AOAH: variants seen among roughly 807,000 people sequenced by gnomAD.
AOAH encodes the protein acyloxyacyl hydrolase (neutrophil).
AOAH carries 64 observed loss-of-function variants against 92.2 expected under a neutral mutation model. The observed-to-expected ratio is 0.69, with a 90% confidence interval of 0.57 to 0.86. The LOEUF is 0.86. Ranked by LOEUF, AOAH falls within the 40% of genes least tolerant of loss-of-function variation. The pLI is 0.00. For missense variants in AOAH, 656 were observed against 694.6 expected, an observed-to-expected ratio of 0.94 and a Z score of 0.62; for synonymous variants, 263 against 254.5, an observed-to-expected ratio of 1.03 and a Z score of -0.32.
In AOAH at chr7:36,618,146, A is replaced by G; in HGVS notation, c.751+151T>C. The stretch of plus-strand genomic sequence containing the variant: ...CCTTTTAGATACTTTATTTTTTCTG[A>G]TCTGTCATGAAAATAAATGTAAGTT... On this transcript the variant is annotated intron_variant, in intron 10 of 20. Coordinates refer to ENST00000617537, the MANE Select transcript of AOAH (RefSeq NM_001637.4). 6.9e-6 allele frequency: 4 copies of G among 575,654 alleles called. No homozygotes were observed. The South Asian group carries it at 1.2e-4, about 17-fold the overall frequency. The allele number at this position is 575,654 out of a possible 1,614,324, so 35.7% of individuals were successfully genotyped here. A position where few individuals can be genotyped will look rare whatever the true frequency, so the allele number is the denominator to read the frequency against.
chr7:36,522,276 G>A (rs1384664464), intron 19 of AOAH, among the ~76,000 whole-genome samples, 161 bp from the exon 20 acceptor site: 1 of 152,254 alleles, frequency 6.6e-6, no homozygotes, highest in African/African-American at 2.4e-5. Context: ...TTTCTGAACA[G>A]AAATGATCTT....
intron 12 of AOAH, among the ~76,000 whole-genome samples, chr7:36,579,173 A>T: frequency 6.6e-6 from 1 of 152,106 alleles, no homozygotes; most frequent in East Asian, 1.9e-4. Flanking sequence ...TGCTTAAAAA[A>T]AAAATGGCCC....
chr7:36,659,313 T>G, intron 3 of AOAH, 48 bp from the exon 4 acceptor site: 1 of 1,455,614 alleles, frequency 6.9e-7, no homozygotes, highest in African/African-American at 1.4e-5. Context: ...CTCTTAGGCA[T>G]TAGGAAACAG....
chr7:36,549,552 C>A, intron 13 of AOAH, 77 bp from the exon 14 acceptor site: 4 of 996,238 alleles, frequency 4.0e-6, no homozygotes, highest in Non-Finnish European at 6.2e-6. Context: ...GTCTGATTGA[C>A]TGAACTCATG....
chr7:36,622,057 G>A (rs1038871481), intron 7 of AOAH, among the ~76,000 whole-genome samples: 8 of 152,120 alleles, frequency 5.3e-5, no homozygotes, highest in Non-Finnish European at 7.4e-5. Context: ...CATTAAGTGC[G>A]TGCTTGTATG....
chr7:36,627,625 A>T (rs2727826), intron 6 of AOAH, among the ~76,000 whole-genome samples: 31,367 of 151,808 alleles, frequency 0.21, 3,806 homozygotes, highest in African/African-American at 0.33. Flanking sequence ...GCTCCTCGGG[A>T]GGGGCAGCAG....
chr7:36,543,602 C>T (rs1785568110), intron 15 of AOAH, among the ~76,000 whole-genome samples: 1 of 151,288 alleles, frequency 6.6e-6, no homozygotes. Context: ...CGGTTAGAGG[C>T]ACAGCCCTGA....
intron 11 of AOAH, among the ~76,000 whole-genome samples, chr7:36,608,916 G>C (rs957162979): frequency 7.2e-5 from 10 of 139,134 alleles, no homozygotes; most frequent in African/African-American, 2.6e-4. Context: ...GGGGAGGGGG[G>C]GGGGTCTGGT....
chr7:36,515,312 A>C (rs1257999708), intron 20 of AOAH, among the ~76,000 whole-genome samples: 2 of 115,844 alleles, frequency 1.7e-5, no homozygotes, highest in East Asian at 2.8e-4. Context: ...ACTATACCCC[A>C]CACCCCTCAC....
intron 11 of AOAH, among the ~76,000 whole-genome samples, chr7:36,611,819 A>G (rs1291627403): frequency 1.3e-5 from 2 of 152,170 alleles, no homozygotes; most frequent in Non-Finnish European, 2.9e-5. Flanking sequence ...ATTTTCATAG[A>G]CCTTAGCTCA....
At chr7:36,558,690 TC>T (rs1045271877) in intron 13 of AOAH, among the ~76,000 whole-genome samples, 1 of 152,258 alleles carries the variant, frequency 6.6e-6, no homozygotes, top group East Asian at 1.9e-4. Context: ...CGGGAGCCCC[TC>T]CCCCAGCCTC....
intron 13 of AOAH, among the ~76,000 whole-genome samples, chr7:36,570,563 G>A (rs1397545404): frequency 2.0e-5 from 3 of 152,040 alleles, no homozygotes; most frequent in Admixed American, 6.6e-5. Context: ...TTTCATTTTT[G>A]GAGGAACCTC....
At chr7:36,565,504 C>G (rs1446991124) in intron 13 of AOAH, among the ~76,000 whole-genome samples, 2 of 151,940 alleles carry the variant, frequency 1.3e-5, no homozygotes, top group Non-Finnish European at 2.9e-5. Flanking sequence ...TTTATACATG[C>G]CTTCACCCAG....
chr7:36,537,047 G>A (rs1036535681), intron 16 of AOAH, among the ~76,000 whole-genome samples: 1 of 148,054 alleles, frequency 6.8e-6, no homozygotes, highest in Non-Finnish European at 1.5e-5. Flanking sequence ...TCCTGTCAAA[G>A]GAGGCCTGGG....
At position 36,576,662 on chromosome 7, in the gene AOAH, A is replaced by C. The variant is rs2116636884; in HGVS notation, c.939-6T>G. The C allele has an allele frequency of 7.0e-7, 1 of 1,428,578 alleles. No homozygotes were observed. Among genetic ancestry groups the C allele is most frequent in the Middle Eastern group, 1.8e-4 (1 of 5,480 alleles). The allele number at this position is 1,428,578 out of a possible 1,614,324, so 88.5% of individuals were successfully genotyped here. On this transcript the variant is annotated splice_polypyrimidine_tract_variant and splice_region_variant and intron_variant, in intron 12 of 20. Transcript: ENST00000617537. Reference sequence around the variant, plus strand: ...AAATAGATTTTTCTTTAATTCTGAAACAAATATATATGTATATATTTAAGG... The same window carrying C: ...AAATAGATTTTTCTTTAATTCTGAACCAAATATATATGTATATATTTAAGG...
intron 16 of AOAH, among the ~76,000 whole-genome samples, chr7:36,535,257 G>C (rs933505890): frequency 6.6e-6 from 1 of 152,134 alleles, no homozygotes; most frequent in Non-Finnish European, 1.5e-5. Flanking sequence ...GATCAAAGGT[G>C]TGTTCTTCCC....
chr7:36,664,800 C>T (rs1280044852), intron 3 of AOAH, among the ~76,000 whole-genome samples: 1 of 152,114 alleles, frequency 6.6e-6, no homozygotes, highest in Non-Finnish European at 1.5e-5. Context: ...AAGCATGGCT[C>T]CAGCATCTCC....
intron 19 of AOAH, among the ~76,000 whole-genome samples, chr7:36,523,912 CCTCTCAGTT>C (rs1477253827): frequency 6.6e-6 from 1 of 151,968 alleles, no homozygotes; most frequent in Non-Finnish European, 1.5e-5. Flanking sequence ...ACCACTGAGC[CCTCTCAGTT>C]CTCTTTGTCC....
intron 12 of AOAH, among the ~76,000 whole-genome samples, chr7:36,592,366 A>C (rs997601493): frequency 6.6e-6 from 1 of 152,178 alleles, no homozygotes; most frequent in Non-Finnish European, 1.5e-5. Context: ...GCTAGGACTC[A>C]GAAAGTCCCA....
Sources: gnomAD v4.1 joint callset for allele counts (sites outside exome capture counted in the v4.1 genomes callset) on GRCh38, gnomAD v4.1.1 for gene constraint, MANE v1.5 for transcripts, NCBI Gene and HGNC (gene_info 2026-07-23, HGNC 2026-07-21) for gene names.